Variants in CNTN4 observed in about 807,000 individuals in gnomAD.
CNTN4 encodes the protein contactin 4.
CNTN4 carries 77 observed loss-of-function variants against 122.5 expected under a neutral mutation model. That is an observed-to-expected ratio of 0.63 (90% CI 0.52 to 0.76). The LOEUF (loss-of-function observed/expected upper bound fraction) is 0.76. Ranked by LOEUF, CNTN4 falls within the 30% of genes least tolerant of loss-of-function variation. The pLI is 0.00. For missense variants in CNTN4, 1,256 were observed against 1,259.1 expected (o/e 1.00, Z 0.04); for synonymous variants, 512 against 447.0 (o/e 1.15, Z -1.83).
chr3:2,143,214 A>C (rs2035086206), intron 2 of CNTN4, among the ~76,000 whole-genome samples: 1 of 152,162 alleles, frequency 6.6e-6, no homozygotes, highest in African/African-American at 2.4e-5. Flanking sequence ...CTTAGAATTA[A>C]CCATGACCAG....
At position 2,122,024 on chromosome 3, in the gene CNTN4, C is replaced by CG. The variant is rs1491516822; in HGVS notation, c.-145+21387dup. Among the ~76,000 whole-genome samples the CG allele has an allele frequency of 5.5e-3, 814 of 148,488 alleles. 7 individuals carry two copies. The highest frequency in any genetic ancestry group is 0.015 in the African/African-American group (586 of 38,536). ...CAAAAAAATTAGCCGGGCGTGGTGG[C>CG]GGCGCCTGTAGTCCCAGCTACTCGG... On this transcript the variant is annotated intron_variant, in intron 2 of 24. Transcript: ENST00000418658.
intron 2 of CNTN4, among the ~76,000 whole-genome samples, chr3:2,335,313 T>A (rs1448480647): frequency 1.5e-5 from 1 of 66,436 alleles, no homozygotes; most frequent in Non-Finnish European, 3.6e-5. Flanking sequence ...AAAAAATGAT[T>A]ATAATGATAG....
intron 8 of CNTN4, among the ~76,000 whole-genome samples, chr3:2,867,574 C>G (rs1191193327): frequency 6.6e-6 from 1 of 152,146 alleles, no homozygotes; most frequent in Admixed American, 6.6e-5. Context: ...CCCTTTCCCA[C>G]CACGGGTTTT....
chr3:2,405,636 TA>T, intron 3 of CNTN4, among the ~76,000 whole-genome samples: 1 of 146,536 alleles, frequency 6.8e-6, no homozygotes, highest in Non-Finnish European at 1.5e-5. Context: ...GATAGATAGA[TA>T]GGAGTCAAGG....
At chr3:2,141,444 TC>T (rs2034991332) in intron 2 of CNTN4, among the ~76,000 whole-genome samples, 1 of 152,120 alleles carries the variant, frequency 6.6e-6, no homozygotes, top group African/African-American at 2.4e-5. Flanking sequence ...AAACAGACTC[TC>T]TGATAGACCC....
intron 2 of CNTN4, among the ~76,000 whole-genome samples, chr3:2,279,366 A>G (rs983208828): frequency 6.6e-6 from 1 of 152,186 alleles, no homozygotes; most frequent in African/African-American, 2.4e-5. Context: ...TGCAAGATAT[A>G]ATGAGCAACT....
rs114965482 is a variant in CNTN4, at chr3:2,325,561, G to A, written c.-144-13617G>A. Reference sequence around the variant, plus strand: ...TTTAGAACTCCAACATTTCCAGCCCGGTGAAAGCCACAGAATCTTTTCAGC... The same window carrying A: ...TTTAGAACTCCAACATTTCCAGCCCAGTGAAAGCCACAGAATCTTTTCAGC... On this transcript the variant is annotated intron_variant, in intron 2 of 24. Coordinates refer to ENST00000418658, the MANE Select transcript of CNTN4 (RefSeq NM_175607.3). Among the ~76,000 whole-genome samples, 626 of 152,082 alleles carry A rather than the reference G, an allele frequency of 4.1e-3. 4 individuals are homozygous for A. Among genetic ancestry groups the A allele is most frequent in the African/African-American group, 0.014 (582 of 41,470 alleles).
chr3:2,645,408 A>G (rs578200803), intron 4 of CNTN4, among the ~76,000 whole-genome samples: 1 of 152,358 alleles, frequency 6.6e-6, no homozygotes, highest in South Asian at 2.1e-4. Context: ...TTGCTGGGCT[A>G]CAGGTGGTTA....
chr3:2,417,570 G>C (rs2047460955), intron 3 of CNTN4, among the ~76,000 whole-genome samples: 1 of 152,144 alleles, frequency 6.6e-6, no homozygotes, highest in Non-Finnish European at 1.5e-5. Context: ...AATAAAATGA[G>C]ATTAGAACCT....
intron 2 of CNTN4, among the ~76,000 whole-genome samples, chr3:2,145,538 AAGAC>A (rs1301980053): frequency 6.6e-6 from 1 of 152,208 alleles, no homozygotes; most frequent in Non-Finnish European, 1.5e-5. Context: ...AGAGAGCAAG[AAGAC>A]AGATAGGAAA....
intron 6 of CNTN4, among the ~76,000 whole-genome samples, chr3:2,790,167 G>C (rs73807947): frequency 0.038 from 5,785 of 152,286 alleles, 318 homozygotes; most frequent in African/African-American, 0.13. Flanking sequence ...GAGTCACACT[G>C]TAAGTGGTGA....
At chr3:2,124,336 G>T (rs141527735) in intron 2 of CNTN4, among the ~76,000 whole-genome samples, 1 of 151,860 alleles carries the variant, frequency 6.6e-6, no homozygotes, top group African/African-American at 2.4e-5. Context: ...TAAAATGGGC[G>T]GTTTTAGGTA....
At chr3:2,585,354 A>T (rs997153527) in intron 4 of CNTN4, among the ~76,000 whole-genome samples, 1 of 151,312 alleles carries the variant, frequency 6.6e-6, no homozygotes. Context: ...TACCCAAGGG[A>T]TTATAAATCA....
At chr3:2,694,514 T>C (rs886147323) in intron 4 of CNTN4, among the ~76,000 whole-genome samples, 8 of 152,120 alleles carry the variant, frequency 5.3e-5, no homozygotes, top group Admixed American at 5.2e-4. Context: ...TGGATCACTT[T>C]AGGTCAGGAG....
At chr3:2,833,605 T>A (rs1417035033) in intron 7 of CNTN4, among the ~76,000 whole-genome samples, 4 of 143,462 alleles carry the variant, frequency 2.8e-5, no homozygotes, top group African/African-American at 1.1e-4. Flanking sequence ...AGAAAAAAAA[T>A]TATGGTATTT....
At chr3:2,889,182 C>A (rs1200629901) in intron 10 of CNTN4, among the ~76,000 whole-genome samples, 1 of 152,164 alleles carries the variant, frequency 6.6e-6, no homozygotes, top group Non-Finnish European at 1.5e-5. Flanking sequence ...ATGACCTCCC[C>A]TAAGTGACTC....
chr3:2,401,614 G>A (rs2046862761), intron 3 of CNTN4, among the ~76,000 whole-genome samples: 1 of 152,070 alleles, frequency 6.6e-6, no homozygotes. Flanking sequence ...AAGACAATCT[G>A]AGTAATTCAA....
chr3:2,991,706 C>A (rs560747382), intron 14 of CNTN4, among the ~76,000 whole-genome samples: 77 of 152,118 alleles, frequency 5.1e-4, no homozygotes, highest in Non-Finnish European at 9.4e-4. Context: ...ACGATATAGG[C>A]AGAGAAAACC....
chr3:2,688,960 TG>T (rs1243095896), intron 4 of CNTN4, among the ~76,000 whole-genome samples: 1 of 152,160 alleles, frequency 6.6e-6, no homozygotes, highest in Non-Finnish European at 1.5e-5. Flanking sequence ...AGAGGTCTAA[TG>T]TAGCACCTGA....
Sources: gnomAD v4.1 joint callset for allele counts (sites outside exome capture counted in the v4.1 genomes callset) on GRCh38, gnomAD v4.1.1 for gene constraint, MANE v1.5 for transcripts, NCBI Gene and HGNC (gene_info 2026-07-23, HGNC 2026-07-21) for gene names.